The following PCLO variants were observed in gnomAD, a reference collection of about 807,000 sequenced individuals.
The protein encoded by PCLO is piccolo presynaptic cytomatrix protein, also known as protein piccolo.
In PCLO, 82 loss-of-function variants were observed where a neutral mutation model predicts 427.5. The ratio of observed to expected loss-of-function variants is 0.19; its 90% confidence interval spans 0.16 to 0.23. The LOEUF is 0.23. Ranked by LOEUF, PCLO falls within the 10% of genes least tolerant of loss-of-function variation. The pLI is 1.00. For synonymous variants in PCLO, 2,357 were observed against 2,155.4 expected, an observed-to-expected ratio of 1.09 and a Z score of -2.59; for missense variants, 6,239 against 6,115.9, an observed-to-expected ratio of 1.02 and a Z score of -0.67.
At position 82,953,852 on chromosome 7, in the gene PCLO, A is replaced by G; in HGVS notation, c.7101T>C (p.Phe2367=). Residue 2367 remains phenylalanine, a synonymous_variant, in exon 5 of 25, where the codon TTT becomes TTC. Coordinates refer to ENST00000333891, the MANE Select transcript of PCLO (RefSeq NM_033026.6). ...STTYFTSGET[F]GQEKPASQLP... is the part of the protein sequence containing the mutation. ...ACTGAGATGCAGGTTTTTCCTGACC[A>G]AAGGTCTCTCCAGATGTAAAGTATG... 1 of 1,613,634 alleles carries G rather than the reference A, an allele frequency of 6.2e-7. No homozygotes were observed. The highest frequency in any genetic ancestry group is 8.5e-7 in the Non-Finnish European group (1 of 1,179,706).
At position 82,755,313 on chromosome 7, in the gene PCLO, G is replaced by A. The variant is rs779450692; in HGVS notation, c.*3262C>T. On this transcript the variant is annotated 3_prime_UTR_variant, in exon 25 of 25. Transcript: ENST00000333891. ...GAGTAAAGATAACTGATGCCCCTTA[G>A]TCTTGATATTTTAAACTGAAATATA... 4 of 152,008 alleles carry A rather than the reference G, an allele frequency of 2.6e-5. No homozygotes were observed. Among genetic ancestry groups the A allele is most frequent in the Non-Finnish European group, 4.4e-5 (3 of 67,998 alleles). 9.4% of individuals were successfully genotyped at this position (152,008 alleles called of 1,614,324 possible).
At position 82,822,826 on chromosome 7, in the gene PCLO, A is replaced by G. The variant is rs891281434; in HGVS notation, c.14597-137T>C. 94 of 724,232 alleles carry G rather than the reference A, an allele frequency of 1.3e-4. 2 individuals are homozygous for G. The East Asian group carries it at 2.3e-3, about 18-fold the overall frequency. 44.9% of individuals were successfully genotyped at this position (724,232 alleles called of 1,614,324 possible). The stretch of plus-strand genomic sequence containing the variant: ...ATATGATTCATTTATGCAACTGGTC[A>G]TCATACAGAATGATGATTAAACATC... On this transcript the variant is annotated intron_variant, in intron 19 of 24. Coordinates refer to ENST00000333891, the MANE Select transcript of PCLO (RefSeq NM_033026.6).
At chr7:82,822,209 T>C in intron 20 of PCLO, 1 of 1,258,604 alleles carries the variant, frequency 7.9e-7, no homozygotes, top group South Asian at 1.9e-5. Flanking sequence ...ATTGCTTTGC[T>C]TCCAAACATC....
At chr7:82,886,678 T>C (rs2116088950) in intron 9 of PCLO, among the ~76,000 whole-genome samples, 1 of 152,270 alleles carries the variant, frequency 6.6e-6, no homozygotes, top group African/African-American at 2.4e-5. Flanking sequence ...CCTATATATA[T>C]CAGGGGCTAT....
chr7:83,018,665 A>G (rs572723319), intron 3 of PCLO, among the ~76,000 whole-genome samples: 77 of 152,128 alleles, frequency 5.1e-4, no homozygotes, highest in African/African-American at 1.8e-3. Flanking sequence ...TATTCTTAAT[A>G]TTTCAGGTAT....
intron 22 of PCLO, among the ~76,000 whole-genome samples, chr7:82,796,338 G>A (rs1175658212): frequency 6.6e-6 from 1 of 152,076 alleles, no homozygotes; most frequent in Non-Finnish European, 1.5e-5. Context: ...ATAAGGTCCA[G>A]GGAAATCACA....
intron 10 of PCLO, among the ~76,000 whole-genome samples, chr7:82,861,432 A>G (rs1388700786): frequency 6.6e-6 from 1 of 152,086 alleles, no homozygotes; most frequent in East Asian, 1.9e-4. Flanking sequence ...AAAGAGGTCA[A>G]TTCAGCAAGA....
intron 3 of PCLO, among the ~76,000 whole-genome samples, chr7:83,115,395 C>T (rs918751725): frequency 6.6e-6 from 1 of 151,842 alleles, no homozygotes; most frequent in African/African-American, 2.4e-5. Context: ...AGTTATTCTG[C>T]CATGGCTAAA....
intron 16 of PCLO, 142 bp downstream of exon 16, chr7:82,835,525 G>A (rs1792211588): frequency 3.2e-6 from 2 of 628,058 alleles, no homozygotes; most frequent in Non-Finnish European, 5.6e-6. Context: ...ATTTGTCGCA[G>A]TGCTGATTCA....
At chr7:83,157,783 A>G (rs2116698731) in intron 1 of PCLO, among the ~76,000 whole-genome samples, 1 of 152,102 alleles carries the variant, frequency 6.6e-6, no homozygotes, top group Admixed American at 6.5e-5. Flanking sequence ...GAGGCTTTTT[A>G]AATTTTGAAA....
At chr7:82,805,855 C>T (rs1021814701) in intron 20 of PCLO, 26 bp from the exon 21 acceptor site, 7 of 1,580,726 alleles carry the variant, frequency 4.4e-6, no homozygotes, top group Admixed American at 1.8e-5. Context: ...AGATTCAACA[C>T]CACAGTCAAT....
At chr7:83,099,818 A>T (rs1234330767) in intron 3 of PCLO, among the ~76,000 whole-genome samples, 1 of 142,264 alleles carries the variant, frequency 7.0e-6, no homozygotes, top group Admixed American at 7.5e-5. Flanking sequence ...TCCATAAAAC[A>T]CCTCTAACCA....
chr7:82,879,269 T>C (rs1297051371), intron 10 of PCLO, 68 bp downstream of exon 10: 3 of 1,329,192 alleles, frequency 2.3e-6, no homozygotes, highest in African/African-American at 1.5e-5. Context: ...AACATTTGCA[T>C]ATTAAATTAA....
At chr7:82,852,611 G>A (rs1286718111) in intron 10 of PCLO, among the ~76,000 whole-genome samples, 1 of 152,026 alleles carries the variant, frequency 6.6e-6, no homozygotes, top group Non-Finnish European at 1.5e-5. Flanking sequence ...TTGGGATTCG[G>A]GCTGATCCAC....
rs376119086 is a variant in PCLO, at chr7:82,950,398, A to T, written c.10190T>A (p.Ile3397Lys). Residue 3397 changes from isoleucine to lysine, a missense_variant, in exon 6 of 25, where the codon ATA (isoleucine) becomes AAA (lysine). Physicochemically the swap from Ile to Lys is moderately radical, Grantham distance 102. This residue lies in a region of PCLO where 4,677 missense variants were observed against 4,468.4 expected (regional missense o/e 1.05). Coordinates refer to ENST00000333891, the MANE Select transcript of PCLO (RefSeq NM_033026.6). ...TTTCACAACAACATCTGTTAGAGGT[A>T]TTTCTGAAACAGTGCTCAGGATACC... Reference protein sequence around the residue: ...PPGILSTVSEIPLTDVVVKEE... With the variant: ...PPGILSTVSEKPLTDVVVKEE... 1.5e-5 allele frequency: 24 copies of T among 1,613,538 alleles called. No individual in the cohort carries two copies. The highest frequency in any genetic ancestry group is 1.7e-6 in the Non-Finnish European group (2 of 1,179,822).
At chr7:83,057,002 A>C (rs552692127) in intron 3 of PCLO, among the ~76,000 whole-genome samples, 1 of 152,166 alleles carries the variant, frequency 6.6e-6, no homozygotes, top group South Asian at 2.1e-4. Context: ...TATAGTACAG[A>C]GATGTTATGT....
chr7:82,862,672 T>C (rs930700024), intron 10 of PCLO, among the ~76,000 whole-genome samples: 4 of 148,350 alleles, frequency 2.7e-5, no homozygotes, highest in South Asian at 4.3e-4. Flanking sequence ...TATTCAGCCA[T>C]AAAAAAGAAC....
At chr7:83,090,789 T>G (rs1562958925) in intron 3 of PCLO, among the ~76,000 whole-genome samples, 1 of 152,162 alleles carries the variant, frequency 6.6e-6, no homozygotes, top group Non-Finnish European at 1.5e-5. Context: ...CAGTATATTT[T>G]CAGTAAAATT....
chr7:82,844,793 T>A (rs765835405), intron 13 of PCLO, among the ~76,000 whole-genome samples: 33 of 152,164 alleles, frequency 2.2e-4, no homozygotes, highest in Admixed American at 1.1e-3. Flanking sequence ...ATAAAAAAAT[T>A]CTTAATATGG....
Sources: allele counts gnomAD v4.1 joint callset (sites outside exome capture counted in the v4.1 genomes callset), GRCh38; gene constraint gnomAD v4.1.1; regional missense constraint gnomAD v4.1.1; transcripts MANE v1.5; gene names NCBI Gene and HGNC (gene_info 2026-07-23, HGNC 2026-07-21).